Variants in FSIP2 observed in about 807,000 individuals in gnomAD.
FSIP2 encodes the protein fibrous sheath interacting protein 2, also known as fibrous sheath-interacting protein 2.
FSIP2 carries 367 observed loss-of-function variants against 510.5 expected under a neutral mutation model. The ratio of observed to expected loss-of-function variants is 0.72; its 90% CI spans 0.66 to 0.78. The LOEUF is 0.78. FSIP2 is among the 30% of genes least tolerant of loss of function. The probability of loss-of-function intolerance (pLI) is 0.00; values close to 1 mark genes in which losing one functional copy is unlikely to be tolerated. For synonymous variants in FSIP2, 2,601 were observed against 2,732.2 expected (o/e 0.95, Z 1.50); for missense variants, 7,594 against 7,901.7 (o/e 0.96, Z 1.48).
At chr2:185,819,488 AAAG>A (rs1453873956) in intron 19 of FSIP2, among the ~76,000 whole-genome samples, 1 of 151,928 alleles carries the variant, frequency 6.6e-6, no homozygotes, top group African/African-American at 2.4e-5. Context: ...GTTGAAAGTG[AAAG>A]AATGGAAAAA....
At position 185,789,136 on chromosome 2, in the gene FSIP2, C is replaced by T; in HGVS notation, c.2000C>T (p.Thr667Ile). The change falls in exon 16 of 23, where the codon ACA (threonine) becomes ATA (isoleucine). Residue 667 changes from threonine to isoleucine, a missense_variant. Transcript: ENST00000424728. ...TKKSKDATTETDSLGSSLHCD... is the reference protein window; with the variant it reads ...TKKSKDATTEIDSLGSSLHCD... ...AAATCTAAGGATGCTACCACTGAAA[C>T]AGATAGCTTAGGGAGTTCATTGCAT... 2.6e-6 allele frequency: 4 copies of T among 1,535,036 alleles called. No individual in the cohort carries two copies. In the South Asian group the frequency reaches 3.6e-5, roughly 14 times the overall value.
chr2:185,763,380 T>C (rs944873125), intron 12 of FSIP2, 91 bp downstream of exon 12: 3 of 684,266 alleles, frequency 4.4e-6, no homozygotes, highest in Non-Finnish European at 7.8e-6. Context: ...ATGATTTATG[T>C]AACCATACAA....
intron 13 of FSIP2, among the ~76,000 whole-genome samples, chr2:185,776,697 CA>C (rs1254592820): frequency 6.6e-6 from 1 of 152,012 alleles, no homozygotes; most frequent in Non-Finnish European, 1.5e-5. Context: ...TATGGATATA[CA>C]AAATAAGTCT....
At chr2:185,819,727 T>C (rs1216650410) in intron 19 of FSIP2, among the ~76,000 whole-genome samples, 1 of 151,916 alleles carries the variant, frequency 6.6e-6, no homozygotes, top group African/African-American at 2.4e-5. Context: ...TACTTTGTGT[T>C]AGATGATTTT....
chr2:185,797,608 C>A, intron 16 of FSIP2, 82 bp downstream of exon 16: 1 of 1,378,030 alleles, frequency 7.3e-7, no homozygotes, highest in South Asian at 1.5e-5. Context: ...GATCTCCTGT[C>A]TAAAAAGCTG....
At chr2:185,773,432 C>A (rs1055498107) in intron 13 of FSIP2, among the ~76,000 whole-genome samples, 1 of 152,102 alleles carries the variant, frequency 6.6e-6, no homozygotes, top group African/African-American at 2.4e-5. Flanking sequence ...ATAATTTATT[C>A]TTTCACTTTG....
rs367650261 is a variant in FSIP2, at chr2:185,805,896, A to G, written c.16590A>G (p.Gln5530=). Residue 5530 remains glutamine, a synonymous_variant, in exon 17 of 23, where the codon CAA becomes CAG. Coordinates refer to ENST00000424728, the MANE Select transcript of FSIP2 (RefSeq NM_173651.4). ...AAAATAAAGTGGGAATTTGTACTCAAAAACATAGTGAGAATGTATCAAAAG... is the reference window on the plus strand; with the variant it reads ...AAAATAAAGTGGGAATTTGTACTCAGAAACATAGTGAGAATGTATCAAAAG... ...VDENKVGICT[Q]KHSENVSKVT... is the part of the protein sequence containing the mutation. 68 of 1,607,756 alleles carry G rather than the reference A, an allele frequency of 4.2e-5. No homozygotes were observed. Among genetic ancestry groups the G allele is most frequent in the Middle Eastern group, 3.3e-4 (2 of 6,030 alleles).
At chr2:185,818,717 G>C (rs979864697) in intron 19 of FSIP2, among the ~76,000 whole-genome samples, 3 of 151,670 alleles carry the variant, frequency 2.0e-5, no homozygotes, top group African/African-American at 7.3e-5. Flanking sequence ...TCTACATCCA[G>C]CAAAAAATGT....
Position 185,795,068 on chromosome 2 carries a change from C to T in FSIP2, c.7932C>T (p.Val2644=). Residue 2644 remains valine, a synonymous_variant, in exon 16 of 23, where the codon GTC becomes GTT. Transcript: ENST00000424728. ...TTCTCAATAAGATCACAAATTTTGT[C>T]TCACTTCCTTTAAAGGTGAGCCCTA... ...QMVLNKITNF[V]SLPLKVSPKD... 1.3e-6 allele frequency: 2 copies of T among 1,534,674 alleles called. No individual in the cohort carries two copies.
intron 20 of FSIP2, 56 bp downstream of exon 20, chr2:185,824,536 T>C (rs1693981535): frequency 6.9e-6 from 7 of 1,014,348 alleles, no homozygotes; most frequent in Non-Finnish European, 1.0e-5. Flanking sequence ...GATGTGTTTT[T>C]TTTTTAGTTA....
Position 185,804,811 on chromosome 2 carries a change from G to A in FSIP2, c.15505G>A (p.Glu5169Lys), listed in dbSNP as rs1693523242. Reference protein sequence around the residue: ...DEIIKEISEHEIRLSMAEDNA... With the variant: ...DEIIKEISEHKIRLSMAEDNA... ...AATTATAAAAGAAATTTCTGAACAT[G>A]AGATTCGACTTTCCATGGCAGAGGA... Residue 5169 changes from glutamate (E) to lysine (K), a missense_variant, in exon 17 of 23, where the codon GAG (glutamate) becomes AAG (lysine). Transcript: ENST00000424728. 1.3e-6 allele frequency: 2 copies of A among 1,532,690 alleles called. No homozygotes were observed. Among genetic ancestry groups the A allele is most frequent in the East Asian group, 2.4e-5 (1 of 40,828 alleles). The allele number at this position is 1,532,690 out of a possible 1,614,324, so 94.9% of individuals were successfully genotyped here.
At chr2:185,781,342 G>T (rs936311321) in intron 13 of FSIP2, among the ~76,000 whole-genome samples, 6 of 152,234 alleles carry the variant, frequency 3.9e-5, no homozygotes, top group African/African-American at 1.4e-4. Flanking sequence ...TAATGTAAAT[G>T]TTCAGAACAA....
intron 9 of FSIP2, among the ~76,000 whole-genome samples, chr2:185,760,118 T>C (rs144398957): frequency 1.3e-5 from 2 of 150,886 alleles, no homozygotes; most frequent in Non-Finnish European, 3.0e-5. Context: ...TTTTGCTGAT[T>C]TGTGGCTTTA....
chr2:185,743,198 TA>T lies in FSIP2; in HGVS notation c.295del (p.Ser99AlafsTer7). The T allele has an allele frequency of 6.5e-7, 1 of 1,530,960 alleles. No individual in the cohort carries two copies. The highest frequency in any genetic ancestry group is 8.7e-7 in the Non-Finnish European group (1 of 1,144,664). The allele number at this position is 1,530,960 out of a possible 1,614,324, so 94.8% of individuals were successfully genotyped here. On this transcript the variant is annotated frameshift_variant, in exon 3 of 23. Transcript: ENST00000424728. LOFTEE classifies it high-confidence loss of function. ...PYCRLLENQYKSLHDPHLKAY... is the reference protein window; with the variant it reads ...PYCRLLENQYXSLHDPHLKAY... ...ATTGTCGACTTTTGGAAAACCAATATAAAAGCCTCCATGATCCACATTTAAA... is the reference window on the plus strand; with the variant it reads ...ATTGTCGACTTTTGGAAAACCAATATAAAGCCTCCATGATCCACATTTAAA...
chr2:185,759,648 T>TTA (rs939252143), intron 9 of FSIP2, among the ~76,000 whole-genome samples: 1 of 146,214 alleles, frequency 6.8e-6, no homozygotes, highest in East Asian at 2.0e-4. Context: ...TTGTTATATA[T>TTA]TATATATATT....
At position 185,786,299 on chromosome 2, in the gene FSIP2, T is replaced by C; in HGVS notation, c.1506+11T>C. On this transcript the variant is annotated intron_variant, in intron 15 of 22. Transcript: ENST00000424728. ...TGCTTGCAAGAAAAAGTATGTATCATAAAATCCACCGAGAAAGCAACATAT... is the reference window on the plus strand; with the variant it reads ...TGCTTGCAAGAAAAAGTATGTATCACAAAATCCACCGAGAAAGCAACATAT... 1.3e-6 allele frequency: 2 copies of C among 1,510,370 alleles called. No homozygotes were observed. The highest frequency in any genetic ancestry group is 1.8e-6 in the Non-Finnish European group (2 of 1,128,966). The allele number at this position is 1,510,370 out of a possible 1,614,324, so 93.6% of individuals were successfully genotyped here. A position where few individuals can be genotyped will look rare whatever the true frequency, so the allele number is the denominator to read the frequency against.
At chr2:185,753,950 C>A in intron 8 of FSIP2, 108 bp downstream of exon 8, 1 of 717,790 alleles carries the variant, frequency 1.4e-6, no homozygotes. Context: ...TCCCTTTGTG[C>A]CAGACATTGT....
At chr2:185,777,854 T>C (rs1305843015) in intron 13 of FSIP2, among the ~76,000 whole-genome samples, 1 of 152,150 alleles carries the variant, frequency 6.6e-6, no homozygotes, top group Admixed American at 6.5e-5. Context: ...GTGTCAAGAT[T>C]ATACTAGCCC....
At chr2:185,778,140 T>G (rs988357109) in intron 13 of FSIP2, among the ~76,000 whole-genome samples, 1 of 152,022 alleles carries the variant, frequency 6.6e-6, no homozygotes, top group Non-Finnish European at 1.5e-5. Flanking sequence ...TTATAATATA[T>G]CCTATTTATT....
Sources: gnomAD v4.1 joint callset for allele counts (sites outside exome capture counted in the v4.1 genomes callset) on GRCh38, gnomAD v4.1.1 for gene constraint, MANE v1.5 for transcripts, NCBI Gene and HGNC (gene_info 2026-07-23, HGNC 2026-07-21) for gene names.